The following CSMD3 variants were observed in gnomAD, a reference collection of about 807,000 sequenced individuals.
The protein encoded by CSMD3 is CUB and sushi domain-containing protein 3.
A neutral mutation model predicts 435.2 loss-of-function variants in CSMD3; 177 were observed. The ratio of observed to expected loss-of-function variants is 0.41; its 90% CI spans 0.36 to 0.46. The LOEUF is 0.46. CSMD3 is among the 20% of genes least tolerant of loss of function. The pLI, the probability that CSMD3 is intolerant of heterozygous loss-of-function variation, is 0.34. For missense variants in CSMD3, 4,265 were observed against 4,504.6 expected (o/e 0.95, Z 1.52); for synonymous variants, 1,656 against 1,520.5 (o/e 1.09, Z -2.07).
At chr8:112,487,079 A>G (rs1432248645) in intron 31 of CSMD3, among the ~76,000 whole-genome samples, 1 of 152,218 alleles carries the variant, frequency 6.6e-6, no homozygotes, top group Non-Finnish European at 1.5e-5. Flanking sequence ...AATGGAAAAG[A>G]TTAAGAATAT....
intron 22 of CSMD3, among the ~76,000 whole-genome samples, chr8:112,617,309 G>A (rs557318947): frequency 6.6e-6 from 1 of 152,208 alleles, no homozygotes; most frequent in South Asian, 2.1e-4. Flanking sequence ...TCTTATTTGG[G>A]CAAAATATTG....
chr8:112,431,060 T>C (rs1475309459), intron 32 of CSMD3, among the ~76,000 whole-genome samples: 1 of 146,380 alleles, frequency 6.8e-6, no homozygotes, highest in Non-Finnish European at 1.6e-5. Context: ...GAATTATTGT[T>C]GTCAAGTCAT....
intron 7 of CSMD3, among the ~76,000 whole-genome samples, chr8:112,973,125 T>A (rs897078378): frequency 2.0e-5 from 3 of 151,962 alleles, no homozygotes; most frequent in Admixed American, 2.0e-4. Flanking sequence ...CAGTTTCCCG[T>A]GGGTCATCAC....
At chr8:112,836,107 A>G (rs906928660) in intron 11 of CSMD3, among the ~76,000 whole-genome samples, 7 of 151,888 alleles carry the variant, frequency 4.6e-5, no homozygotes, top group African/African-American at 1.7e-4. Context: ...TATAATGGAG[A>G]AGCCAGTGTA....
At chr8:112,533,584 T>C (rs1825750423) in intron 27 of CSMD3, among the ~76,000 whole-genome samples, 1 of 152,034 alleles carries the variant, frequency 6.6e-6, no homozygotes. Context: ...TAAATATATA[T>C]ATATGTACCC....
chr8:112,771,661 C>T (rs568387611), intron 13 of CSMD3, among the ~76,000 whole-genome samples: 1 of 151,938 alleles, frequency 6.6e-6, no homozygotes, highest in African/African-American at 2.4e-5. Context: ...ATCTCCCTCA[C>T]AATAAAAATA....
intron 12 of CSMD3, among the ~76,000 whole-genome samples, chr8:112,802,603 C>G (rs995572217): frequency 4.0e-5 from 6 of 151,820 alleles, no homozygotes; most frequent in African/African-American, 1.5e-4. Flanking sequence ...TTCATTTTTC[C>G]CTCCATTTTA....
intron 59 of CSMD3, among the ~76,000 whole-genome samples, chr8:112,275,474 G>A (rs896022406): frequency 2.0e-5 from 3 of 152,086 alleles, no homozygotes; most frequent in Non-Finnish European, 4.4e-5. Flanking sequence ...TTGAACCCAG[G>A]AGGCAGAGGT....
intron 40 of CSMD3, among the ~76,000 whole-genome samples, chr8:112,347,602 C>A (rs1242407823): frequency 6.6e-6 from 1 of 152,170 alleles, no homozygotes; most frequent in Non-Finnish European, 1.5e-5. Context: ...ATAAACCTTT[C>A]ATCAAACTTG....
chr8:112,658,602 G>A (rs1388495304), intron 17 of CSMD3, among the ~76,000 whole-genome samples: 1 of 152,086 alleles, frequency 6.6e-6, no homozygotes, highest in Non-Finnish European at 1.5e-5. Flanking sequence ...CAATAATATG[G>A]TGTAGAGAAG....
intron 38 of CSMD3, among the ~76,000 whole-genome samples, chr8:112,372,968 A>G (rs1828557895): frequency 8.6e-6 from 1 of 115,902 alleles, no homozygotes; most frequent in Non-Finnish European, 2.0e-5. Flanking sequence ...GCCAGCAGAA[A>G]AAATATATAT....
intron 11 of CSMD3, among the ~76,000 whole-genome samples, chr8:112,845,150 G>T (rs1002377189): frequency 6.6e-6 from 1 of 152,026 alleles, no homozygotes. Context: ...CAACTATTTT[G>T]TCTAGGAATA....
chr8:112,576,420 AT>A (rs1424096424), intron 23 of CSMD3, among the ~76,000 whole-genome samples: 3 of 152,166 alleles, frequency 2.0e-5, no homozygotes, highest in Non-Finnish European at 2.9e-5. Flanking sequence ...AATTAAAAAA[AT>A]AACATAGTAA....
chr8:113,033,786 A>G (rs1427613174), intron 5 of CSMD3, among the ~76,000 whole-genome samples: 1 of 151,236 alleles, frequency 6.6e-6, no homozygotes, highest in African/African-American at 2.4e-5. Flanking sequence ...GTGGAATAAT[A>G]TTATTTGGCT....
chr8:112,975,849 C>A lies in CSMD3; in HGVS notation c.1330G>T (p.Val444Phe). Reference protein sequence around the residue: ...QIERTKELAVVTHRVKKAIDF... With the variant: ...QIERTKELAVFTHRVKKAIDF... Reference sequence around the variant, plus strand: ...TAACATCCAATACCTCTATGAGTAACAACTGCAAGCTCTTTAGTTCTTTCT... The same window carrying A: ...TAACATCCAATACCTCTATGAGTAAAAACTGCAAGCTCTTTAGTTCTTTCT... Residue 444 changes from valine to phenylalanine, a missense_variant, in exon 7 of 71, where the codon GTT becomes TTT. Transcript: ENST00000297405. 1 of 1,613,312 alleles carries A rather than the reference C, an allele frequency of 6.2e-7. No individual in the cohort carries two copies. Among genetic ancestry groups the A allele is most frequent in the East Asian group, 2.2e-5 (1 of 44,872 alleles).
At chr8:112,918,504 A>G (rs946400481) in intron 10 of CSMD3, among the ~76,000 whole-genome samples, 1 of 151,848 alleles carries the variant, frequency 6.6e-6, no homozygotes, top group South Asian at 2.1e-4. Context: ...AAAATTATCA[A>G]TGCTCAACCA....
intron 11 of CSMD3, among the ~76,000 whole-genome samples, chr8:112,847,540 C>T (rs2080358433): frequency 6.6e-6 from 1 of 152,106 alleles, no homozygotes; most frequent in Non-Finnish European, 1.5e-5. Context: ...ATAGTTTCTC[C>T]TGGATACACT....
chr8:113,414,468 A>G (rs773314973), intron 1 of CSMD3, among the ~76,000 whole-genome samples: 7 of 152,064 alleles, frequency 4.6e-5, no homozygotes, highest in Non-Finnish European at 7.4e-5. Context: ...TTTTTCTCCT[A>G]TGCACCCTTA....
chr8:112,258,225 G>T (rs1438366090), intron 61 of CSMD3, among the ~76,000 whole-genome samples: 1 of 152,214 alleles, frequency 6.6e-6, no homozygotes, highest in African/African-American at 2.4e-5. Flanking sequence ...CATCGGCAAA[G>T]ACTTCATGTC....
Sources: gnomAD v4.1 joint callset for allele counts (sites outside exome capture counted in the v4.1 genomes callset) on GRCh38, gnomAD v4.1.1 for gene constraint, MANE v1.5 for transcripts, NCBI Gene and HGNC (gene_info 2026-07-23, HGNC 2026-07-21) for gene names.